Variants in DNAH17 observed in about 807,000 individuals in gnomAD.
DNAH17 encodes dynein axonemal heavy chain 17, also known as axonemal beta dynein heavy chain 17.
A neutral mutation model predicts 485.6 loss-of-function variants in DNAH17; 376 were observed. The ratio of observed to expected loss-of-function variants is 0.77; its 90% CI spans 0.71 to 0.84. DNAH17 has a LOEUF of 0.84. Among genes scored for constraint, DNAH17 ranks in the 40% least tolerant of loss-of-function variants. The probability of loss-of-function intolerance (pLI) is 0.00; values close to 1 mark genes in which losing one functional copy is unlikely to be tolerated. For synonymous variants in DNAH17, 3,031 were observed against 2,405.9 expected, an observed-to-expected ratio of 1.26 and a Z score of -7.60; for missense variants, 6,370 against 5,839.3, an observed-to-expected ratio of 1.09 and a Z score of -2.96.
At chr17:78,467,221 C>T (rs145776125) in intron 55 of DNAH17, among the ~76,000 whole-genome samples, 1 of 152,216 alleles carries the variant, frequency 6.6e-6, no homozygotes, top group African/African-American at 2.4e-5. Context: ...GGCAGGGAGT[C>T]CCTGGGATCC....
rs11872051 is a variant in DNAH17, at chr17:78,485,611, C to T, written c.7422G>A (p.Thr2474=). ...GCACAGCCTGCACCAGGTAGTTGTC[C>T]GTGTTCAGGCTTTCCAGCTTGTCCC... ...LMGDKLESLN[T]DNYLVQAVPF... Residue 2474 remains threonine, a synonymous_variant, in exon 47 of 81, where the codon ACG becomes ACA. Transcript: ENST00000389840. 2 of 1,613,288 alleles carry T rather than the reference C, an allele frequency of 1.2e-6. No homozygotes were observed. The highest frequency in any genetic ancestry group is 1.1e-5 in the South Asian group (1 of 91,038).
chr17:78,565,691 C>G (rs1012135673), intron 11 of DNAH17, among the ~76,000 whole-genome samples: 1 of 152,172 alleles, frequency 6.6e-6, no homozygotes, highest in Admixed American at 6.5e-5. Flanking sequence ...TGGTAGCTCA[C>G]GCCTGTAATC....
Position 78,460,145 on chromosome 17 carries a change from T to A in DNAH17, c.9435+17A>T. On this transcript the variant is annotated intron_variant, in intron 59 of 80. Coordinates refer to ENST00000389840, the MANE Select transcript of DNAH17 (RefSeq NM_173628.4). ...CCAACCAGGCCAGGGGTCCCCTTTC[T>A]TTCCCTCCCCCTTTACCTTATTCAG... is the stretch of plus-strand genomic sequence containing the variant. 6.3e-7 allele frequency: 1 copy of A among 1,594,248 alleles called. No individual in the cohort carries two copies. The highest frequency in any genetic ancestry group is 8.6e-7 in the Non-Finnish European group (1 of 1,168,726).
At chr17:78,433,291 G>A (rs6501212) in intron 75 of DNAH17, among the ~76,000 whole-genome samples, 115,977 of 152,108 alleles carry the variant, frequency 0.76, 45,177 homozygotes, top group East Asian at 0.97. Context: ...TTAGGAGACC[G>A]TAGATGGGGC....
Position 78,569,402 on chromosome 17 carries a change from G to A in DNAH17, c.1170C>T (p.Cys390=), listed in dbSNP as rs1275278186. The A allele has an allele frequency of 6.2e-7, 1 of 1,613,058 alleles. No homozygotes were observed. Among genetic ancestry groups the A allele is most frequent in the East Asian group, 2.2e-5 (1 of 44,854 alleles). Reference sequence around the variant, plus strand: ...TAAAGAAAAGCTTCATGTTCACGCAGCAGAAGTCGTACGTCTGGTAGAGCT... The same window carrying A: ...TAAAGAAAAGCTTCATGTTCACGCAACAGAAGTCGTACGTCTGGTAGAGCT... ...LKELYQTYDF[C]CVNMKLFFKD... is the part of the protein sequence containing the mutation. Residue 390 remains cysteine (C), a synonymous_variant, in exon 8 of 81, where the codon TGC becomes TGT. Transcript: ENST00000389840.
chr17:78,507,994 T>C (rs114471925), intron 27 of DNAH17, among the ~76,000 whole-genome samples, 189 bp from the exon 28 acceptor site: 1,743 of 152,230 alleles, frequency 0.011, 34 homozygotes, highest in African/African-American at 0.04. Context: ...ATGCATGCGA[T>C]CTCTGTCCAT....
At chr17:78,454,207 G>A (rs1188156930) in intron 64 of DNAH17, among the ~76,000 whole-genome samples, 1 of 152,182 alleles carries the variant, frequency 6.6e-6, no homozygotes, top group African/African-American at 2.4e-5. Context: ...CCAGCAAATG[G>A]CCAAGCGGGA....
At chr17:78,498,097 T>A (rs56239723) in intron 37 of DNAH17, among the ~76,000 whole-genome samples, 1 of 151,526 alleles carries the variant, frequency 6.6e-6, no homozygotes, top group Non-Finnish European at 1.5e-5. Context: ...ACCGAGACTG[T>A]GCCATTGCAC....
chr17:78,485,151 A>C (rs2089541998), intron 47 of DNAH17, 118 bp from the exon 48 acceptor site: 5 of 1,326,090 alleles, frequency 3.8e-6, no homozygotes, highest in Non-Finnish European at 5.0e-6. Context: ...CTGGGATCCA[A>C]GTTTACCAAA....
At chr17:78,486,710 G>A (rs1039147760) in intron 44 of DNAH17, among the ~76,000 whole-genome samples, 2 of 152,254 alleles carry the variant, frequency 1.3e-5, no homozygotes, top group Middle Eastern at 3.2e-3. Context: ...GGATGCCAGG[G>A]TCGTGGGGGC....
At position 78,529,513 on chromosome 17, in the gene DNAH17, A is replaced by G. The variant is rs749526568; in HGVS notation, c.3466T>C (p.Tyr1156His). ...ATCTCCTCTGGCATCTCCTCCCCGT[A>G]GGTCTTGAGCAGCTCGATGGTTTGC... ...LKQTIELLKTYGEEMPEEIHL... is the reference protein window; with the variant it reads ...LKQTIELLKTHGEEMPEEIHL... Residue 1156 changes from tyrosine to histidine, a missense_variant, in exon 22 of 81, where the codon TAC becomes CAC. Transcript: ENST00000389840. 3.7e-6 allele frequency: 6 copies of G among 1,613,756 alleles called. No individual in the cohort carries two copies. In the South Asian group the frequency reaches 6.6e-5, roughly 18 times the overall value.
At chr17:78,565,382 C>T (rs867543011) in intron 11 of DNAH17, among the ~76,000 whole-genome samples, 2 of 152,218 alleles carry the variant, frequency 1.3e-5, no homozygotes, top group Non-Finnish European at 1.5e-5. Flanking sequence ...CCTTAATTTG[C>T]GGAGCTTCAA....
In DNAH17 at chr17:78,459,102, C is replaced by T. The variant is rs768680320; in HGVS notation, c.9760G>A (p.Val3254Ile). 2 of 1,614,038 alleles carry T rather than the reference C, an allele frequency of 1.2e-6. No individual in the cohort carries two copies. The highest frequency in any genetic ancestry group is 1.7e-5 in the Admixed American group (1 of 60,034). The part of the protein sequence containing the change: ...WCINIVRFYE[V>I]YCDVAPKRQA... Reference sequence around the variant, plus strand: ...CTCTTGGGCGCCACGTCGCAGTAGACCTCGTAGAAGCGGACGATGTTGATG... The same window carrying T: ...CTCTTGGGCGCCACGTCGCAGTAGATCTCGTAGAAGCGGACGATGTTGATG... The change falls in exon 61 of 81, where the codon GTC becomes ATC. Residue 3254 changes from valine to isoleucine, a missense_variant. Coordinates refer to ENST00000389840, the MANE Select transcript of DNAH17 (RefSeq NM_173628.4).
chr17:78,441,768 T>C (rs1333771927), intron 71 of DNAH17, among the ~76,000 whole-genome samples: 1 of 152,056 alleles, frequency 6.6e-6, no homozygotes, highest in African/African-American at 2.4e-5. Flanking sequence ...CTGTAATGTA[T>C]AAAGAATGAA....
intron 26 of DNAH17, among the ~76,000 whole-genome samples, chr17:78,513,898 G>C (rs1207285156): frequency 2.0e-5 from 3 of 152,166 alleles, no homozygotes; most frequent in African/African-American, 7.2e-5. Flanking sequence ...CTGTCTCTCT[G>C]TATCCTTTGC....
chr17:78,494,919 C>T (rs1224354003), intron 39 of DNAH17, 40 bp downstream of exon 39: 12 of 1,592,910 alleles, frequency 7.5e-6, no homozygotes, highest in Non-Finnish European at 1.0e-5. Flanking sequence ...GCATCTCAAA[C>T]TCCCACCCAC....
chr17:78,570,856 CAAAAA>C lies in DNAH17; in HGVS notation c.918+87_918+91del, dbSNP rs60897530. 6.0e-3 allele frequency: 1,740 copies of C among 290,370 alleles called. 1 individual carries two copies. Among genetic ancestry groups the C allele is most frequent in the African/African-American group, 0.013 (144 of 11,214 alleles). The allele number at this position is 290,370 out of a possible 1,614,324, so 18.0% of individuals were successfully genotyped here. On this transcript the variant is annotated intron_variant, in intron 6 of 80. Transcript: ENST00000389840. ...CTGGTGACAGAGCGAGACTCCCTCT[CAAAAA>C]AAAAAAAAAAAAAAAAAGAAAAAAG... is the stretch of plus-strand genomic sequence containing the variant.
intron 16 of DNAH17, among the ~76,000 whole-genome samples, chr17:78,550,483 T>C (rs1333504461): frequency 4.7e-5 from 1 of 21,092 alleles, no homozygotes. Flanking sequence ...TAAGTTAATA[T>C]GAGGTCATTA....
rs370432113 is a variant in DNAH17 at position 78,561,932 on chromosome 17, C to T, written c.1618G>A (p.Glu540Lys). 431 of 1,613,150 alleles carry T rather than the reference C, an allele frequency of 2.7e-4. 5 individuals are homozygous for T. In the South Asian group the frequency reaches 4.3e-3, roughly 16 times the overall value. ...ATGACTGAATACCTGGGCGCCACCT[C>T]GGCAAGAATCAGGGGCCGCTCCATG... ...GLMERPLILA[E>K]VAPRYSVMLE... The change falls in exon 12 of 81, where the codon GAG becomes AAG. Residue 540 changes from glutamate (E) to lysine (K), a missense_variant. Physicochemically the swap from Glu to Lys is moderately conservative, Grantham distance 56. Transcript: ENST00000389840.
Sources: allele counts gnomAD v4.1 joint callset (sites outside exome capture counted in the v4.1 genomes callset), GRCh38; gene constraint gnomAD v4.1.1; transcripts MANE v1.5; gene names NCBI Gene and HGNC (gene_info 2026-07-23, HGNC 2026-07-21).